Variants in ABCA9 observed in about 807,000 individuals in gnomAD.
ABCA9 encodes the protein ATP-binding cassette sub-family A member 9.
ABCA9 carries 183 observed loss-of-function variants against 205.3 expected under a neutral mutation model. The ratio of observed to expected loss-of-function variants is 0.89; its 90% CI spans 0.79 to 1.01. The LOEUF (loss-of-function observed/expected upper bound fraction) is 1.01, where lower values mean the gene tolerates loss of function less well. Among genes scored for constraint, ABCA9 ranks in the 50% least tolerant of loss-of-function variants. ABCA9 has a pLI of 0.00. For missense variants in ABCA9, 1,805 were observed against 1,912.4 expected, an observed-to-expected ratio of 0.94 and a Z score of 1.05; for synonymous variants, 651 against 683.3, an observed-to-expected ratio of 0.95 and a Z score of 0.74.
At chr17:68,987,215 A>G (rs961198925) in intron 31 of ABCA9, among the ~76,000 whole-genome samples, 1 of 152,236 alleles carries the variant, frequency 6.6e-6, no homozygotes, top group South Asian at 2.1e-4. Flanking sequence ...CAAGGTCACA[A>G]CAAGGTAAAT....
At chr17:69,019,383 C>A (rs377522354) in intron 19 of ABCA9, among the ~76,000 whole-genome samples, 1 of 152,068 alleles carries the variant, frequency 6.6e-6, no homozygotes, top group African/African-American at 2.4e-5. Flanking sequence ...TTTACTTTTT[C>A]ATACACTTTA....
At chr17:69,003,460 G>T (rs1401945707) in intron 25 of ABCA9, among the ~76,000 whole-genome samples, 5 of 135,608 alleles carry the variant, frequency 3.7e-5, no homozygotes, top group Admixed American at 7.5e-5. Context: ...CTCTCTTCTG[G>T]CTTGTAGGGT....
chr17:69,026,133 C>G (rs978082240), intron 16 of ABCA9, among the ~76,000 whole-genome samples: 1 of 152,076 alleles, frequency 6.6e-6, no homozygotes, highest in African/African-American at 2.4e-5. Context: ...GCAAGCAACA[C>G]GTTGTGAAAA....
At chr17:69,012,191 T>C (rs930192358) in intron 22 of ABCA9, 108 bp from the exon 23 acceptor site, 26 of 761,940 alleles carry the variant, frequency 3.4e-5, no homozygotes, top group African/African-American at 5.4e-5. Flanking sequence ...TCACTCAAAG[T>C]GCTTCTCAAG....
intron 31 of ABCA9, 96 bp from the exon 32 acceptor site, chr17:68,986,420 C>T: frequency 8.1e-7 from 1 of 1,233,492 alleles, no homozygotes; most frequent in Non-Finnish European, 1.1e-6. Context: ...TCTCTTCACA[C>T]ACACAGGTGC....
At chr17:69,034,855 A>T (rs1388308872) in intron 8 of ABCA9, 1 of 153,752 alleles carries the variant, frequency 6.5e-6, no homozygotes, top group Non-Finnish European at 1.4e-5. Flanking sequence ...CATAACTAAA[A>T]TTAACTTTTC....
intron 18 of ABCA9, 61 bp downstream of exon 18, chr17:69,021,681 C>T: frequency 3.5e-5 from 32 of 901,842 alleles, no homozygotes; most frequent in Middle Eastern, 2.6e-4. Context: ...TTCTTTCGTC[C>T]TTCCTTCCTT....
At chr17:69,032,532 G>A in intron 9 of ABCA9, 1 of 315,898 alleles carries the variant, frequency 3.2e-6, no homozygotes, top group South Asian at 7.5e-5. Flanking sequence ...AAAATGCAGA[G>A]AGATGTCTCA....
In ABCA9 at chr17:69,007,768, G is replaced by A; in HGVS notation, c.3426C>T (p.Phe1142=). 1 of 1,582,238 alleles carries A rather than the reference G, an allele frequency of 6.3e-7. No individual in the cohort carries two copies. Among genetic ancestry groups the A allele is most frequent in the Non-Finnish European group, 8.7e-7 (1 of 1,152,212 alleles). The change falls in exon 25 of 39, where the codon TTC becomes TTT. Residue 1142 remains phenylalanine (F), a synonymous_variant. Transcript: ENST00000340001. ...GRKNSGIWSF[F]FLIVVIFSIV... is the part of the protein sequence containing the mutation. Reference sequence around the variant, plus strand: ...GTATATGCATACTCACAATTAAGAAGAAAAATGACCAAATGCCACTATTTT... The same window carrying A: ...GTATATGCATACTCACAATTAAGAAAAAAAATGACCAAATGCCACTATTTT...
chr17:69,010,481 T>C (rs1044950519), intron 23 of ABCA9, among the ~76,000 whole-genome samples: 2 of 151,582 alleles, frequency 1.3e-5, no homozygotes, highest in South Asian at 4.2e-4. Flanking sequence ...GGAGGAAAGG[T>C]AGAGAGATAA....
chr17:69,013,061 T>TA (rs770639751), intron 22 of ABCA9, among the ~76,000 whole-genome samples: 1 of 152,198 alleles, frequency 6.6e-6, no homozygotes, highest in Non-Finnish European at 1.5e-5. Flanking sequence ...CATTCCTTTT[T>TA]ATGGCTGAAT....
intron 6 of ABCA9, chr17:69,042,694 T>A (rs1416441658): frequency 6.6e-6 from 1 of 152,238 alleles, no homozygotes; most frequent in Non-Finnish European, 1.5e-5. Flanking sequence ...TTGGCAAACA[T>A]CTACAGGATA....
chr17:69,074,318 G>T, the ABCA9 span, among the ~76,000 whole-genome samples: 2 of 152,042 alleles, frequency 1.3e-5, no homozygotes, highest in East Asian at 1.9e-4. Flanking sequence ...TGAGTATATT[G>T]CATGATGCTG....
At chr17:68,986,487 C>A (rs2069244496) in intron 31 of ABCA9, 163 bp from the exon 32 acceptor site, 4 of 619,288 alleles carry the variant, frequency 6.5e-6, no homozygotes, top group Non-Finnish European at 2.5e-6. Context: ...GTGGTAAAAG[C>A]CCACTTTAAA....
At chr17:69,055,910 A>G (rs113376540) in intron 1 of ABCA9, among the ~76,000 whole-genome samples, 2,383 of 152,282 alleles carry the variant, frequency 0.016, 26 homozygotes, top group Non-Finnish European at 0.024. Flanking sequence ...ACTTCTAAAT[A>G]ACATAAAAGT....
chr17:69,073,612 A>G, the ABCA9 span, among the ~76,000 whole-genome samples: 1 of 152,230 alleles, frequency 6.6e-6, no homozygotes, highest in Non-Finnish European at 1.5e-5. Context: ...GTTTAGAGGG[A>G]AACTTATAGC....
chr17:69,077,226 T>C, the ABCA9 span, among the ~76,000 whole-genome samples: 1 of 152,196 alleles, frequency 6.6e-6, no homozygotes, highest in East Asian at 1.9e-4. Flanking sequence ...TTCATTTATT[T>C]CAAAAAATTT....
intron 3 of ABCA9, among the ~76,000 whole-genome samples, chr17:69,046,022 A>G (rs1249987677): frequency 1.3e-5 from 2 of 152,200 alleles, no homozygotes; most frequent in Admixed American, 1.3e-4. Context: ...GGAAATAATC[A>G]TTGGTATTGG....
intron 25 of ABCA9, among the ~76,000 whole-genome samples, chr17:69,005,612 G>C (rs112431459): frequency 1.3e-5 from 2 of 152,196 alleles, no homozygotes; most frequent in Non-Finnish European, 2.9e-5. Context: ...CAGGGACTTC[G>C]TTCCTTGGCC....
Sources: gnomAD v4.1 joint callset for allele counts (sites outside exome capture counted in the v4.1 genomes callset) on GRCh38, gnomAD v4.1.1 for gene constraint, MANE v1.5 for transcripts, NCBI Gene and HGNC (gene_info 2026-07-23, HGNC 2026-07-21) for gene names.